The following ICE1 variants were observed in gnomAD, a reference collection of about 807,000 sequenced individuals.
ICE1 encodes the protein interactor of little elongation complex ELL subunit 1.
In ICE1, 64 loss-of-function variants were observed where a neutral mutation model predicts 192.7. That is an observed-to-expected ratio of 0.33 (90% CI 0.27 to 0.41). The LOEUF (loss-of-function observed/expected upper bound fraction) is 0.41, where lower values mean the gene tolerates loss of function less well. Ranked by LOEUF, ICE1 falls within the 10% of genes least tolerant of loss-of-function variation. The pLI, the probability that ICE1 is intolerant of heterozygous loss-of-function variation, is 1.00. For missense variants in ICE1, 2,708 were observed against 2,696.0 expected (o/e 1.00, Z -0.10); for synonymous variants, 1,010 against 984.5 (o/e 1.03, Z -0.49).
At chr5:5,443,893 A>G (rs1329710024) in intron 6 of ICE1, among the ~76,000 whole-genome samples, 2 of 152,206 alleles carry the variant, frequency 1.3e-5, no homozygotes, top group Admixed American at 6.5e-5. Flanking sequence ...ACTGCTTTCC[A>G]TACGGTGGTG....
rs1737874329 is a variant in ICE1, at chr5:5,436,429, A to C, written c.96A>C (p.Glu32Asp). ...GCASLQQNLN[E>D]YVEALITLKQ... ...TTTTTTTCTTTCAGAATTTGAATGAATATGTTGAAGCATTAATTACCTTGA... is the reference window on the plus strand; with the variant it reads ...TTTTTTTCTTTCAGAATTTGAATGACTATGTTGAAGCATTAATTACCTTGA... The change falls in exon 2 of 19, where the codon GAA becomes GAC. Residue 32 changes from glutamate (E) to aspartate (D), a missense_variant. This residue lies in a region of ICE1 where 2,366 missense variants were observed against 2,276.6 expected (regional missense o/e 1.04). Transcript: ENST00000296564. 6.8e-7 allele frequency: 1 copy of C among 1,476,318 alleles called. No homozygotes were observed. The highest frequency in any genetic ancestry group is 1.5e-5 in the African/African-American group (1 of 68,676). The allele number at this position is 1,476,318 out of a possible 1,614,324, so 91.5% of individuals were successfully genotyped here. A position where few individuals can be genotyped will look rare whatever the true frequency, so the allele number is the denominator to read the frequency against.
chr5:5,463,803 C>T lies in ICE1; in HGVS notation c.4469C>T (p.Ser1490Leu), dbSNP rs1485981049. 6.2e-7 allele frequency: 1 copy of T among 1,613,982 alleles called. No homozygotes were observed. ...GAGGCTCCATGTGGCAATAATCTTT[C>T]ATGTCCCCAAGAGGATGTTTCAAGC... The part of the protein sequence containing the change: ...FQEAPCGNNL[S>L]CPQEDVSSSG... Residue 1490 changes from serine to leucine, a missense_variant, in exon 13 of 19, where the codon TCA (serine) becomes TTA (leucine). Physicochemically the swap from Ser to Leu is moderately radical, Grantham distance 145 (BLOSUM62 -2). Around this residue, in one of 2 missense-constraint regions of ICE1, gnomAD observed 2,366 missense variants for 2,276.6 expected, o/e 1.04. Coordinates refer to ENST00000296564, the MANE Select transcript of ICE1 (RefSeq NM_015325.3).
Position 5,463,313 on chromosome 5 carries a change from A to T in ICE1, c.3979A>T (p.Thr1327Ser). ...EPTPQAAALD[T>S]EGSSPISGMP... ...AACCCCACAAGCAGCTGCCTTGGAC[A>T]CTGAGGGCAGCTCTCCCATCAGCGG... Residue 1327 changes from threonine (T) to serine (S), a missense_variant, in exon 13 of 19, where the codon ACT becomes TCT. By Grantham distance (58) the Thr-to-Ser change is moderately conservative (BLOSUM62 1). Transcript: ENST00000296564. 8 of 1,613,638 alleles carry T rather than the reference A, an allele frequency of 5.0e-6. No homozygotes were observed. Among genetic ancestry groups the T allele is most frequent in the Non-Finnish European group, 6.8e-6 (8 of 1,179,790 alleles).
At chr5:5,445,478 G>A (rs1483311216) in intron 7 of ICE1, among the ~76,000 whole-genome samples, 1 of 151,842 alleles carries the variant, frequency 6.6e-6, no homozygotes, top group Non-Finnish European at 1.5e-5. Flanking sequence ...CTGTCACTCA[G>A]GCTGGACAGG....
At chr5:5,425,722 G>T (rs778464440) in intron 1 of ICE1, among the ~76,000 whole-genome samples, 2 of 152,152 alleles carry the variant, frequency 1.3e-5, no homozygotes, top group Non-Finnish European at 2.9e-5. Context: ...GCATAGTTAC[G>T]TTAGGACAGT....
At position 5,425,502 on chromosome 5, in the gene ICE1, G is replaced by A. The variant is rs527657705; in HGVS notation, c.84+2503G>A. Among the ~76,000 whole-genome samples, 3 of 152,324 alleles carry A rather than the reference G, an allele frequency of 2.0e-5. No homozygotes were observed. In the South Asian group the frequency reaches 6.2e-4, roughly 32 times the overall value. On this transcript the variant is annotated intron_variant, in intron 1 of 18. Coordinates refer to ENST00000296564, the MANE Select transcript of ICE1 (RefSeq NM_015325.3). ...GTTTACAGAGTTCTTCTCTAGGTCAGGACACTATTGCATTTGGATTTTCTG... is the reference window on the plus strand; with the variant it reads ...GTTTACAGAGTTCTTCTCTAGGTCAAGACACTATTGCATTTGGATTTTCTG...
At chr5:5,447,338 T>A in intron 7 of ICE1, 89 bp from the exon 8 acceptor site, 1 of 801,026 alleles carries the variant, frequency 1.2e-6, no homozygotes, top group Non-Finnish European at 1.9e-6. Flanking sequence ...GAAAAACTTG[T>A]AATAGATAAG....
At chr5:5,426,172 G>A (rs145409908) in intron 1 of ICE1, among the ~76,000 whole-genome samples, 1,804 of 152,356 alleles carry the variant, frequency 0.012, 12 homozygotes, top group Non-Finnish European at 0.019. Context: ...TCTGGGCTGG[G>A]AGCGGTGGCT....
chr5:5,429,726 A>G (rs1296605211), intron 1 of ICE1, among the ~76,000 whole-genome samples: 1 of 152,194 alleles, frequency 6.6e-6, no homozygotes, highest in African/African-American at 2.4e-5. Flanking sequence ...TATGCCTGCT[A>G]GCTTGCTCCT....
At position 5,464,047 on chromosome 5, in the gene ICE1, A is replaced by G; in HGVS notation, c.4713A>G (p.Ser1571=). ...AGTCAAACAAACCAGTAAAAACTTC[A>G]GCGTCGAGCAGAGTTGAAACTCATC... ...KDQSNKPVKT[S]ASSRVETHQS... The change falls in exon 13 of 19, where the codon TCA becomes TCG. Residue 1571 remains serine (S), a synonymous_variant. Transcript: ENST00000296564. This position sits in a 1 kb window ranked among gnomAD's most constrained non-coding sequence, Gnocchi z 4.0. 1 of 1,613,684 alleles carries G rather than the reference A, an allele frequency of 6.2e-7. No homozygotes were observed. Among genetic ancestry groups the G allele is most frequent in the Non-Finnish European group, 8.5e-7 (1 of 1,179,866 alleles).
intron 15 of ICE1, 120 bp downstream of exon 15, chr5:5,469,108 T>A: frequency 1.5e-6 from 1 of 679,156 alleles, no homozygotes; most frequent in Non-Finnish European, 2.2e-6. Context: ...TCTAGATCTT[T>A]TAAAATTTAA....
chr5:5,449,272 T>C (rs1738343256), intron 10 of ICE1, among the ~76,000 whole-genome samples: 1 of 152,200 alleles, frequency 6.6e-6, no homozygotes, highest in African/African-American at 2.4e-5. Flanking sequence ...CTGCTGGTTA[T>C]TTAGCTGTGG....
intron 16 of ICE1, among the ~76,000 whole-genome samples, chr5:5,474,808 C>G (rs1297323577): frequency 6.6e-6 from 1 of 152,162 alleles, no homozygotes; most frequent in Non-Finnish European, 1.5e-5. Flanking sequence ...GTCCATGGAT[C>G]CATGTGTGTC....
chr5:5,422,872 G>C lies in ICE1; in HGVS notation c.-44G>C, dbSNP rs1278250241. On this transcript the variant is annotated 5_prime_UTR_variant, in exon 1 of 19. Coordinates refer to ENST00000296564, the MANE Select transcript of ICE1 (RefSeq NM_015325.3). ...AGAGACAGGACGGGGCCGACGCCGCGGGCCCCTGAGGCGTGCGTGCCCACC... is the reference window on the plus strand; with the variant it reads ...AGAGACAGGACGGGGCCGACGCCGCCGGCCCCTGAGGCGTGCGTGCCCACC... The C allele has an allele frequency of 1.6e-6, 2 of 1,264,880 alleles. No homozygotes were observed. Among genetic ancestry groups the C allele is most frequent in the Admixed American group, 4.2e-5 (1 of 23,614 alleles). The allele number at this position is 1,264,880 out of a possible 1,614,324, so 78.4% of individuals were successfully genotyped here.
intron 1 of ICE1, among the ~76,000 whole-genome samples, chr5:5,430,714 TA>T (rs1363171317): frequency 6.6e-6 from 1 of 152,240 alleles, no homozygotes; most frequent in Non-Finnish European, 1.5e-5. Flanking sequence ...CCACCATGCC[TA>T]AGCATATCTC....
At chr5:5,443,816 C>T (rs1418325428) in intron 6 of ICE1, among the ~76,000 whole-genome samples, 2 of 152,202 alleles carry the variant, frequency 1.3e-5, no homozygotes, top group South Asian at 2.1e-4. Flanking sequence ...GAAGCAGTGA[C>T]TCAGAGAGTT....
Position 5,461,571 on chromosome 5 carries a change from C to G in ICE1, c.2237C>G (p.Ala746Gly), listed in dbSNP as rs752202212. ...CTTCCTCGGTCAGTATTTATGAAAG[C>G]TACAAAAGATGGGCAATGTGAAAGT... is the stretch of plus-strand genomic sequence containing the variant. ...HSLPRSVFMK[A>G]TKDGQCESQD... is the part of the protein sequence containing the mutation. Residue 746 changes from alanine to glycine, a missense_variant, in exon 13 of 19, where the codon GCT (alanine) becomes GGT (glycine). Ala to Gly is a moderately conservative substitution (Grantham distance 60). Around this residue, in one of 2 missense-constraint regions of ICE1, gnomAD observed 2,366 missense variants for 2,276.6 expected, o/e 1.04. Coordinates refer to ENST00000296564, the MANE Select transcript of ICE1 (RefSeq NM_015325.3). 7 of 1,613,126 alleles carry G rather than the reference C, an allele frequency of 4.3e-6. No individual in the cohort carries two copies. In the Admixed American group the frequency reaches 1.0e-4, roughly 23 times the overall value.
Position 5,462,409 on chromosome 5 carries a change from G to T in ICE1, c.3075G>T (p.Gly1025=), listed in dbSNP as rs763935408. 6.2e-7 allele frequency: 1 copy of T among 1,614,032 alleles called. No individual in the cohort carries two copies. The highest frequency in any genetic ancestry group is 2.2e-5 in the East Asian group (1 of 44,882). The change falls in exon 13 of 19, where the codon GGG becomes GGT. Residue 1025 remains glycine (G), a synonymous_variant. Coordinates refer to ENST00000296564, the MANE Select transcript of ICE1 (RefSeq NM_015325.3). ...AAGAAACCAGCTGTGGAGACACAGG[G>T]AGATCTGGTGGTGAGGCCCTGGCTG... ...SVEETSCGDT[G]RSGGEALAVA... is the part of the protein sequence containing the mutation.
intron 1 of ICE1, among the ~76,000 whole-genome samples, chr5:5,432,982 A>G (rs1737765829): frequency 6.6e-6 from 1 of 152,160 alleles, no homozygotes; most frequent in African/African-American, 2.4e-5. Context: ...CCTGAGTGTC[A>G]AGGCAGGACA....
Sources: allele counts gnomAD v4.1 joint callset (sites outside exome capture counted in the v4.1 genomes callset), GRCh38; gene constraint gnomAD v4.1.1; regional missense constraint gnomAD v4.1.1; non-coding constraint Gnocchi (gnomAD v3.1); transcripts MANE v1.5; gene names NCBI Gene and HGNC (gene_info 2026-07-23, HGNC 2026-07-21).